MLPH: variants seen among roughly 807,000 people sequenced by gnomAD.
MLPH encodes melanophilin.
Under a neutral mutation model 72.1 loss-of-function variants are expected in MLPH, and 51 were observed. The observed-to-expected ratio is 0.71, with a 90% CI of 0.56 to 0.89. The LOEUF is 0.89. Ranked by LOEUF, MLPH falls within the 40% of genes least tolerant of loss-of-function variation. The pLI is 0.00. For missense variants in MLPH, 743 were observed against 759.9 expected, an observed-to-expected ratio of 0.98 and a Z score of 0.26; for synonymous variants, 301 against 310.1, an observed-to-expected ratio of 0.97 and a Z score of 0.31.
intron 2 of MLPH, among the ~76,000 whole-genome samples, chr2:237,496,047 C>T (rs1233782125): frequency 1.3e-5 from 2 of 152,198 alleles, no homozygotes; most frequent in African/African-American, 2.4e-5. Context: ...AGCAGCAATC[C>T]CTGCGTCAGC....
chr2:237,516,896 G>GA, intron 4 of MLPH, among the ~76,000 whole-genome samples: 1 of 131,080 alleles, frequency 7.6e-6, no homozygotes, highest in African/African-American at 3.5e-5. Context: ...AGGATGGATG[G>GA]TAGGATGGAT....
chr2:237,518,209 T>C (rs1004272810), intron 4 of MLPH: 44 of 413,792 alleles, frequency 1.1e-4, no homozygotes, highest in Non-Finnish European at 1.8e-4. Flanking sequence ...GATGAATAGA[T>C]GGGTGGAGGA....
At chr2:237,496,108 C>A (rs2079530966) in intron 2 of MLPH, among the ~76,000 whole-genome samples, 1 of 152,248 alleles carries the variant, frequency 6.6e-6, no homozygotes, top group Non-Finnish European at 1.5e-5. Context: ...ATTAGTAGAA[C>A]CCCCTTCTGG....
At chr2:237,493,291 C>T (rs1461407159) in intron 1 of MLPH, 112 bp from the exon 2 acceptor site, 2 of 759,712 alleles carry the variant, frequency 2.6e-6, no homozygotes, top group Non-Finnish European at 4.8e-6. Flanking sequence ...AACCCAAGTA[C>T]AGACAGATGT....
At position 237,512,102 on chromosome 2, in the gene MLPH, G is replaced by T. The variant is rs952718478; in HGVS notation, c.445+1001G>T. Among the ~76,000 whole-genome samples the T allele has an allele frequency of 6.6e-6, 1 of 152,232 alleles. No individual in the cohort carries two copies. Among genetic ancestry groups the T allele is most frequent in the Non-Finnish European group, 1.5e-5 (1 of 68,044 alleles). On this transcript the variant is annotated intron_variant, in intron 4 of 15. Coordinates refer to ENST00000264605, the MANE Select transcript of MLPH (RefSeq NM_024101.7). The surrounding 1 kb of genome is among the most constrained non-coding windows in gnomAD (Gnocchi z 5.5). ...AGTTTCTCCAGGGCCACGAGGCAGC[G>T]CCTGGCTCCGGCAGCTGGGCACGTC... is the stretch of plus-strand genomic sequence containing the variant.
intron 1 of MLPH, among the ~76,000 whole-genome samples, chr2:237,490,620 G>A (rs766566972): frequency 2.0e-5 from 3 of 152,308 alleles, no homozygotes; most frequent in Middle Eastern, 3.4e-3. Context: ...TCAGCTGATG[G>A]TCACACTGTC....
chr2:237,507,224 G>A (rs1184088294), intron 2 of MLPH: 1 of 151,894 alleles, frequency 6.6e-6, no homozygotes, highest in African/African-American at 2.4e-5. Context: ...GTGCCACCAT[G>A]TCTGGCTAAT....
chr2:237,524,753 T>C (rs1487683290), intron 6 of MLPH, among the ~76,000 whole-genome samples: 1 of 150,368 alleles, frequency 6.7e-6, no homozygotes, highest in African/African-American at 2.5e-5. Context: ...AAGGTAACTA[T>C]GGGCACAGAG....
intron 9 of MLPH, among the ~76,000 whole-genome samples, chr2:237,536,490 G>A (rs370670587): frequency 4.8e-4 from 73 of 152,200 alleles, no homozygotes; most frequent in Non-Finnish European, 2.4e-4. Flanking sequence ...ATCACTGACC[G>A]GAGAGCACCA....
chr2:237,501,071 C>T (rs1019315716), intron 2 of MLPH, among the ~76,000 whole-genome samples: 1 of 152,146 alleles, frequency 6.6e-6, no homozygotes, highest in Non-Finnish European at 1.5e-5. Context: ...CCCTGCTCAC[C>T]GTGGGACCTC....
intron 15 of MLPH, 200 bp from the exon 16 acceptor site, chr2:237,553,366 G>A: frequency 3.0e-6 from 2 of 659,472 alleles, no homozygotes; most frequent in Non-Finnish European, 5.5e-6. Flanking sequence ...AGCACGAATT[G>A]GCCTTAGGTT....
At chr2:237,532,391 C>T (rs911949344) in intron 8 of MLPH, among the ~76,000 whole-genome samples, 2 of 152,226 alleles carry the variant, frequency 1.3e-5, no homozygotes, top group African/African-American at 4.8e-5. Flanking sequence ...ATGGCACAAG[C>T]ATGTGGTAGG....
At chr2:237,501,663 CTAAAAAAAAAAA>C (rs2079650476) in intron 2 of MLPH, among the ~76,000 whole-genome samples, 2 of 101,666 alleles carry the variant, frequency 2.0e-5, no homozygotes, top group African/African-American at 6.9e-5. Flanking sequence ...CACGTCTCTA[CTAAAAAAAAAAA>C]AAAAAAAAAA....
chr2:237,555,285 A>T lies in MLPH; in HGVS notation c.*1693A>T, dbSNP rs1032194447. ...GAGTGAGACCTTGTCTCTTAAAAAA[A>T]TTAATAATAAATAAATGAAAATAAT... On this transcript the variant is annotated 3_prime_UTR_variant, in exon 16 of 16. Coordinates refer to ENST00000264605, the MANE Select transcript of MLPH (RefSeq NM_024101.7). The T allele has an allele frequency of 2.1e-4, 32 of 152,242 alleles. No individual in the cohort carries two copies. Among genetic ancestry groups the T allele is most frequent in the African/African-American group, 7.2e-4 (30 of 41,462 alleles). 9.4% of individuals were successfully genotyped at this position (152,242 alleles called of 1,614,324 possible).
intron 4 of MLPH, among the ~76,000 whole-genome samples, chr2:237,514,898 A>G (rs1015947168): frequency 3.3e-5 from 5 of 152,220 alleles, no homozygotes; most frequent in African/African-American, 7.2e-5. Context: ...CTTCCCAGAC[A>G]TTCCTAAACA....
In MLPH at chr2:237,525,638, C is replaced by G. The variant is rs2080286644; in HGVS notation, c.713C>G (p.Pro238Arg). The change falls in exon 7 of 16, where the codon CCT becomes CGT. Residue 238 changes from proline to arginine, a missense_variant. Pro to Arg is a moderately radical substitution (Grantham distance 103). Transcript: ENST00000264605. The part of the protein sequence containing the change: ...TDESCSEKAA[P>R]HKAEGLEEAD... ...GAGTCCTGCTCAGAGAAGGCAGCCC[C>G]TCACAAGGCTGAGGGCCTGGAGGAG... 3 of 1,614,202 alleles carry G rather than the reference C, an allele frequency of 1.9e-6. No individual in the cohort carries two copies. The highest frequency in any genetic ancestry group is 2.5e-6 in the Non-Finnish European group (3 of 1,180,046).
intron 6 of MLPH, among the ~76,000 whole-genome samples, chr2:237,524,316 T>A (rs950997344): frequency 6.8e-6 from 1 of 146,606 alleles, no homozygotes; most frequent in African/African-American, 2.7e-5. Flanking sequence ...TATATATATA[T>A]ATATAAAGGG....
chr2:237,549,005 T>TC (rs2080978411), intron 13 of MLPH, among the ~76,000 whole-genome samples: 1 of 152,226 alleles, frequency 6.6e-6, no homozygotes, highest in Non-Finnish European at 1.5e-5. Context: ...TGTGGCAGCT[T>TC]CCCCAAAGCT....
intron 6 of MLPH, among the ~76,000 whole-genome samples, chr2:237,522,678 T>A (rs1228777598): frequency 6.6e-6 from 1 of 152,058 alleles, no homozygotes; most frequent in Non-Finnish European, 1.5e-5. Flanking sequence ...GGGCTGAGAC[T>A]GGGGTTGGGC....
Sources: gnomAD v4.1 joint callset for allele counts (sites outside exome capture counted in the v4.1 genomes callset) on GRCh38, gnomAD v4.1.1 for gene constraint, Gnocchi (gnomAD v3.1) non-coding constraint, MANE v1.5 for transcripts, NCBI Gene and HGNC (gene_info 2026-07-23, HGNC 2026-07-21) for gene names.